Variants in IL16 observed in about 807,000 individuals in gnomAD.
The protein encoded by IL16 is interleukin 16, also known as pro-interleukin-16.
Under a neutral mutation model 110.1 loss-of-function variants are expected in IL16, and 67 were observed. The observed-to-expected ratio is 0.61, with a 90% CI of 0.50 to 0.75. The LOEUF is 0.75. Among genes scored for constraint, IL16 ranks in the 30% least tolerant of loss-of-function variants. IL16 has a pLI of 0.00. For missense variants in IL16, 1,545 were observed against 1,655.0 expected, an observed-to-expected ratio of 0.93 and a Z score of 1.15; for synonymous variants, 689 against 662.9, an observed-to-expected ratio of 1.04 and a Z score of -0.61.
At chr15:81,276,997 G>T (rs1898939809) in intron 6 of IL16, among the ~76,000 whole-genome samples, 1 of 149,950 alleles carries the variant, frequency 6.7e-6, no homozygotes, top group African/African-American at 2.5e-5. Context: ...ATAAAAAAAG[G>T]AATATAAACT....
chr15:81,251,082 T>A (rs750453234), intron 2 of IL16, among the ~76,000 whole-genome samples: 1 of 152,178 alleles, frequency 6.6e-6, no homozygotes, highest in Non-Finnish European at 1.5e-5. Context: ...GTACAGCTTT[T>A]ATTTACTTTT....
At chr15:81,225,192 C>G in intron 1 of IL16, 107 bp from the exon 2 acceptor site, 1 of 879,934 alleles carries the variant, frequency 1.1e-6, no homozygotes, top group Non-Finnish European at 1.7e-6. Flanking sequence ...CCCATCTGTC[C>G]TGCTTCACGG....
intron 1 of IL16, among the ~76,000 whole-genome samples, chr15:81,190,817 C>A (rs1003456332): frequency 6.6e-6 from 1 of 152,180 alleles, no homozygotes; most frequent in Non-Finnish European, 1.5e-5. Flanking sequence ...AATTACACCC[C>A]AGACCCAGGG....
At position 81,311,990 on chromosome 15, in the gene IL16, C is replaced by T. The variant is rs1224644903; in HGVS notation, c.*3192C>T. The T allele has an allele frequency of 6.6e-6, 1 of 152,180 alleles. No homozygotes were observed. The highest frequency in any genetic ancestry group is 2.4e-5 in the African/African-American group (1 of 41,432). 9.4% of individuals were successfully genotyped at this position (152,180 alleles called of 1,614,324 possible). A position where few individuals can be genotyped will look rare whatever the true frequency, so the allele number is the denominator to read the frequency against. On this transcript the variant is annotated 3_prime_UTR_variant, in exon 19 of 19. Transcript: ENST00000683961. ...CTCAAAAATAGGGAAGTAACAGTAA[C>T]GCAGGGGAAACGTTTTCTGTTTGGA...
chr15:81,206,953 G>A (rs1357504708), intron 1 of IL16, among the ~76,000 whole-genome samples: 1 of 152,058 alleles, frequency 6.6e-6, no homozygotes, highest in African/African-American at 2.4e-5. Flanking sequence ...TTACATCCAG[G>A]CCAGGTGTGG....
intron 4 of IL16, 30 bp from the exon 5 acceptor site, chr15:81,269,508 T>G (rs375087172): frequency 1.3e-6 from 2 of 1,497,502 alleles, no homozygotes; most frequent in African/African-American, 2.8e-5. Flanking sequence ...ATGTGGCTAA[T>G]CTTCTGCCTA....
intron 1 of IL16, among the ~76,000 whole-genome samples, chr15:81,185,131 C>T (rs1019197152): frequency 1.3e-5 from 2 of 152,092 alleles, no homozygotes; most frequent in African/African-American, 4.8e-5. Flanking sequence ...TGCACACCTT[C>T]CCCCACCATC....
chr15:81,197,029 C>G lies in IL16; in HGVS notation c.-225C>G, dbSNP rs1895618968. 7.8e-7 allele frequency: 1 copy of G among 1,288,152 alleles called. No individual in the cohort carries two copies. The highest frequency in any genetic ancestry group is 1.0e-6 in the Non-Finnish European group (1 of 988,314). The allele number at this position is 1,288,152 out of a possible 1,614,324, so 79.8% of individuals were successfully genotyped here. A position where few individuals can be genotyped will look rare whatever the true frequency, so the allele number is the denominator to read the frequency against. ...TTCTCAATCCTTGCCGGCTCTGACC[C>G]AGGCCTGGGCCACAGGCTGTCCGGG... On this transcript the variant is annotated 5_prime_UTR_variant, in exon 1 of 19. Transcript: ENST00000683961.
chr15:81,215,839 C>G (rs1234271997), intron 1 of IL16, among the ~76,000 whole-genome samples: 1 of 152,200 alleles, frequency 6.6e-6, no homozygotes, highest in East Asian at 1.9e-4. Context: ...TGTACTGTGG[C>G]CCTGGGGCAC....
chr15:81,305,016 A>G (rs776326062), intron 16 of IL16, among the ~76,000 whole-genome samples: 8 of 152,214 alleles, frequency 5.3e-5, no homozygotes, highest in Non-Finnish European at 1.2e-4. Context: ...CAGAAAGGGG[A>G]CCAAGAGGTG....
At chr15:81,245,748 T>TTTTTTTTG (rs59688867) in intron 2 of IL16, among the ~76,000 whole-genome samples, 1 of 146,214 alleles carries the variant, frequency 6.8e-6, no homozygotes, top group Admixed American at 6.8e-5. Flanking sequence ...TTTTTTTTTT[T>TTTTTTTTG]GCCTGTACCT....
rs193128303 is a variant in IL16 at position 81,259,035 on chromosome 15, A to G, written c.313-737A>G. Among the ~76,000 whole-genome samples the G allele has an allele frequency of 1.6e-4, 24 of 152,292 alleles. No homozygotes were observed. The East Asian group carries it at 3.7e-3, about 23-fold the overall frequency. On this transcript the variant is annotated intron_variant, in intron 2 of 18. Coordinates refer to ENST00000683961, the MANE Select transcript of IL16 (RefSeq NM_172217.5). ...AGAGATATATAATAAATTAACATAT[A>G]TATATTTGATTGATACAGCAAGGTA...
In IL16 at chr15:81,311,497, C is replaced by T. The variant is rs769184302; in HGVS notation, c.*2699C>T. 107 of 152,262 alleles carry T rather than the reference C, an allele frequency of 7.0e-4. No homozygotes were observed. The highest frequency in any genetic ancestry group is 7.9e-4 in the Admixed American group (12 of 15,280). The allele number at this position is 152,262 out of a possible 1,614,324, so 9.4% of individuals were successfully genotyped here. ...CATCCAGGGCTCTGACCAGTTTAACCTGATGCAGTCACGTGGAGGAGCAGT... is the reference window on the plus strand; with the variant it reads ...CATCCAGGGCTCTGACCAGTTTAACTTGATGCAGTCACGTGGAGGAGCAGT... On this transcript the variant is annotated 3_prime_UTR_variant, in exon 19 of 19. Transcript: ENST00000683961.
At chr15:81,274,074 C>CCATA (rs1330207303) in intron 6 of IL16, among the ~76,000 whole-genome samples, 3 of 152,170 alleles carry the variant, frequency 2.0e-5, no homozygotes, top group Admixed American at 2.0e-4. Flanking sequence ...AAGGACTGGG[C>CCATA]CATACACCAG....
chr15:81,213,929 CTGTCCTCA>C (rs1016218735), intron 1 of IL16, among the ~76,000 whole-genome samples: 19 of 152,160 alleles, frequency 1.2e-4, no homozygotes, highest in African/African-American at 4.6e-4. Flanking sequence ...TGTTTTGATC[CTGTCCTCA>C]TGTCCTCATA....
intron 18 of IL16, among the ~76,000 whole-genome samples, chr15:81,307,197 T>C (rs996534978): frequency 1.3e-5 from 2 of 151,888 alleles, no homozygotes; most frequent in Non-Finnish European, 2.9e-5. Flanking sequence ...AAATTGGAGG[T>C]CTCCAAGCCA....
chr15:81,288,077 G>C (rs371130620), intron 10 of IL16, among the ~76,000 whole-genome samples: 76 of 152,344 alleles, frequency 5.0e-4, no homozygotes, highest in African/African-American at 1.7e-3. Flanking sequence ...TGAGGGCCTT[G>C]AGAGTGAGGG....
intron 15 of IL16, among the ~76,000 whole-genome samples, chr15:81,302,542 T>A (rs766171449): frequency 2.6e-5 from 4 of 152,188 alleles, no homozygotes; most frequent in Non-Finnish European, 1.5e-5. Flanking sequence ...ACATTCATCC[T>A]TCCATGCCTT....
intron 10 of IL16, chr15:81,289,919 G>A (rs769355411): frequency 4.4e-6 from 2 of 454,236 alleles, no homozygotes; most frequent in East Asian, 7.0e-5. Flanking sequence ...AGAAATGGAG[G>A]CTCAGGAGGT....
Sources: gnomAD v4.1 joint callset for allele counts (sites outside exome capture counted in the v4.1 genomes callset) on GRCh38, gnomAD v4.1.1 for gene constraint, MANE v1.5 for transcripts, NCBI Gene and HGNC (gene_info 2026-07-23, HGNC 2026-07-21) for gene names.